The following BIRC6 variants were observed in gnomAD, a reference collection of about 807,000 sequenced individuals.
BIRC6 encodes dual E2 ubiquitin-conjugating enzyme/E3 ubiquitin-protein ligase BIRC6.
Under a neutral mutation model 503.3 loss-of-function variants are expected in BIRC6, and 98 were observed. The ratio of observed to expected loss-of-function variants is 0.19; its 90% CI spans 0.17 to 0.23. The LOEUF (loss-of-function observed/expected upper bound fraction) is 0.23. BIRC6 is among the 10% of genes least tolerant of loss of function. The pLI, the probability that BIRC6 is intolerant of heterozygous loss-of-function variation, is 1.00. For synonymous variants in BIRC6, 2,240 were observed against 2,078.7 expected, an observed-to-expected ratio of 1.08 and a Z score of -2.11; for missense variants, 5,360 against 5,806.0, an observed-to-expected ratio of 0.92 and a Z score of 2.50.
intron 41 of BIRC6, among the ~76,000 whole-genome samples, 169 bp from the exon 42 acceptor site, chr2:32,488,419 G>T (rs1029439928): frequency 6.6e-6 from 1 of 152,140 alleles, no homozygotes; most frequent in Admixed American, 6.5e-5. Context: ...AGATGTGTTT[G>T]CTGATCAACT....
At chr2:32,561,947 C>T (rs2059221590) in intron 65 of BIRC6, among the ~76,000 whole-genome samples, 1 of 151,712 alleles carries the variant, frequency 6.6e-6, no homozygotes, top group African/African-American at 2.4e-5. Context: ...GAGGCTGAGG[C>T]AGGAGAATTG....
At chr2:32,520,482 A>G (rs1447051153) in intron 57 of BIRC6, among the ~76,000 whole-genome samples, 3 of 152,210 alleles carry the variant, frequency 2.0e-5, no homozygotes, top group African/African-American at 7.2e-5. Context: ...CAGTTTCCTG[A>G]AATTGTCCAT....
At chr2:32,583,465 C>T (rs1203312288) in intron 66 of BIRC6, among the ~76,000 whole-genome samples, 1 of 152,016 alleles carries the variant, frequency 6.6e-6, no homozygotes, top group Non-Finnish European at 1.5e-5. Context: ...TTACTAATAA[C>T]CAGAATTTGA....
chr2:32,515,528 C>T lies in BIRC6; in HGVS notation c.11107C>T (p.Leu3703Phe), dbSNP rs1249995758. 6.2e-7 allele frequency: 1 copy of T among 1,613,944 alleles called. No individual in the cohort carries two copies. Among genetic ancestry groups the T allele is most frequent in the African/African-American group, 1.3e-5 (1 of 75,058 alleles). The change falls in exon 55 of 74, where the codon CTT becomes TTT. Residue 3703 changes from leucine to phenylalanine, a missense_variant. Leu to Phe is a conservative substitution (Grantham distance 22). Transcript: ENST00000421745. ...VGNSHIMKDW[L>F]GGSEVNPLWT... ...CAATAGCCATATTATGAAAGATTGGCTTGGTGGTTCTGAAGTCAATCCACT... is the reference window on the plus strand; with the variant it reads ...CAATAGCCATATTATGAAAGATTGGTTTGGTGGTTCTGAAGTCAATCCACT...
intron 65 of BIRC6, among the ~76,000 whole-genome samples, chr2:32,561,966 C>G (rs975519217): frequency 6.6e-6 from 1 of 151,658 alleles, no homozygotes; most frequent in East Asian, 1.9e-4. Flanking sequence ...TGGTTGAACC[C>G]GGGAGGTGAA....
At chr2:32,546,722 A>G (rs192391166) in intron 63 of BIRC6, among the ~76,000 whole-genome samples, 1 of 152,356 alleles carries the variant, frequency 6.6e-6, no homozygotes, top group African/African-American at 2.4e-5. Flanking sequence ...GATATATTTT[A>G]GAATAGTACC....
rs1050662070 is a variant in BIRC6 at position 32,357,597 on chromosome 2, G to A, written c.325+111G>A. 5.5e-6 allele frequency: 8 copies of A among 1,465,574 alleles called. No homozygotes were observed. Among genetic ancestry groups the A allele is most frequent in the African/African-American group, 4.5e-5 (3 of 67,320 alleles). The allele number at this position is 1,465,574 out of a possible 1,614,324, so 90.8% of individuals were successfully genotyped here. ...GAGATGGCGAGAGGGCAGGGCTGGG[G>A]GTTCGGGCCCAGCCGTGAAGGGAGG... On this transcript the variant is annotated intron_variant, in intron 1 of 73. Transcript: ENST00000421745. The surrounding 1 kb of genome is among the most constrained non-coding windows in gnomAD (Gnocchi z 4.9).
Position 32,502,313 on chromosome 2 carries a change from A to C in BIRC6, c.9207+425A>C, listed in dbSNP as rs182172940. The stretch of plus-strand genomic sequence containing the variant: ...TTAGGCTAATTAAAGAAAATAGGTT[A>C]CAAAATTTTTCCTTTTTGTATTTCA... On this transcript the variant is annotated intron_variant, in intron 47 of 73. Transcript: ENST00000421745. 8.8e-3 allele frequency among the ~76,000 whole-genome samples: 1,342 copies of C among 152,244 alleles called. 10 individuals carry two copies. Among genetic ancestry groups the C allele is most frequent in the Non-Finnish European group, 0.014 (980 of 67,994 alleles).
In BIRC6 at chr2:32,357,865, C is replaced by T. The variant is rs1413769760; in HGVS notation, c.325+379C>T. On this transcript the variant is annotated intron_variant, in intron 1 of 73. Transcript: ENST00000421745. This position sits in a 1 kb window ranked among gnomAD's most constrained non-coding sequence, Gnocchi z 4.9. ...CGTCCGGTTAGATGAGAGCGAAAGG[C>T]TGGAAGGGTTGACCCCGGGCGGAGA... Among the ~76,000 whole-genome samples the T allele has an allele frequency of 2.6e-5, 4 of 152,052 alleles. No homozygotes were observed. Among genetic ancestry groups the T allele is most frequent in the African/African-American group, 9.7e-5 (4 of 41,406 alleles).
At chr2:32,482,707 C>A (rs779709676) in intron 39 of BIRC6, 125 bp downstream of exon 39, 1 of 946,718 alleles carries the variant, frequency 1.1e-6, no homozygotes, top group Non-Finnish European at 1.6e-6. Context: ...CACAGCTGTG[C>A]CGTGAGTACC....
intron 15 of BIRC6, among the ~76,000 whole-genome samples, chr2:32,437,769 C>T (rs2044890479): frequency 6.6e-6 from 1 of 152,086 alleles, no homozygotes; most frequent in Non-Finnish European, 1.5e-5. Flanking sequence ...TAGGGATACT[C>T]AGCCTGTATA....
chr2:32,461,413 C>T (rs192409153), intron 23 of BIRC6, among the ~76,000 whole-genome samples: 4 of 147,348 alleles, frequency 2.7e-5, no homozygotes, highest in Admixed American at 2.0e-4. Flanking sequence ...ACCATGTTGA[C>T]CAAGCTGGTC....
At chr2:32,477,251 A>C in intron 34 of BIRC6, 117 bp from the exon 35 acceptor site, 2 of 909,032 alleles carry the variant, frequency 2.2e-6, no homozygotes, top group Non-Finnish European at 3.3e-6. Context: ...GTGTATCTAA[A>C]AATTTTGCTC....
chr2:32,416,342 G>A (rs2042371637), intron 10 of BIRC6, among the ~76,000 whole-genome samples, 179 bp downstream of exon 10: 1 of 151,966 alleles, frequency 6.6e-6, no homozygotes. Flanking sequence ...ACTGCCCTAG[G>A]TAAGGATTCT....
At position 32,575,624 on chromosome 2, in the gene BIRC6, G is replaced by C. The variant is rs962828453; in HGVS notation, c.13355+258G>C. ...CTAAAAATACCAAAAAATTAGCCAG[G>C]CATGGTGGCGGGCACCTGTAGTCCC... On this transcript the variant is annotated intron_variant, in intron 66 of 73. Transcript: ENST00000421745. Among the ~76,000 whole-genome samples the C allele has an allele frequency of 3.3e-5, 5 of 152,036 alleles. No individual in the cohort carries two copies. The East Asian group carries it at 9.7e-4, about 29-fold the overall frequency.
Position 32,481,385 on chromosome 2 carries a change from A to G in BIRC6, c.7474A>G (p.Met2492Val), listed in dbSNP as rs969821258. ...EIDLELLQDL[M>V]EVDIDPLDID... ...TGACCTTGAGTTACTTCAGGATCTA[A>G]TGGAAGTTGACATTGATCCTTTAGA... The change falls in exon 38 of 74, where the codon ATG (methionine) becomes GTG (valine). Residue 2492 changes from methionine to valine, a missense_variant. Physicochemically the swap from Met to Val is conservative, Grantham distance 21. Coordinates refer to ENST00000421745, the MANE Select transcript of BIRC6 (RefSeq NM_016252.4). The G allele has an allele frequency of 1.9e-6, 3 of 1,611,894 alleles. No homozygotes were observed. Among genetic ancestry groups the G allele is most frequent in the Non-Finnish European group, 1.7e-6 (2 of 1,178,630 alleles).
intron 45 of BIRC6, among the ~76,000 whole-genome samples, chr2:32,497,876 A>G (rs1389773187): frequency 6.6e-6 from 1 of 152,178 alleles, no homozygotes; most frequent in African/African-American, 2.4e-5. Flanking sequence ...GAATTGGTCT[A>G]TATAGACTAT....
rs773665748 is a variant in BIRC6 at position 32,515,462 on chromosome 2, G to T, written c.11041G>T (p.Asp3681Tyr). 3.1e-6 allele frequency: 5 copies of T among 1,613,362 alleles called. No homozygotes were observed. Among genetic ancestry groups the T allele is most frequent in the Non-Finnish European group, 4.2e-6 (5 of 1,179,860 alleles). Residue 3681 changes from aspartate to tyrosine, a missense_variant, in exon 55 of 74, where the codon GAC becomes TAC. Asp to Tyr is a radical substitution (Grantham distance 160). Transcript: ENST00000421745. ...QQCNKMPITA[D>Y]LVAPILRFLT... ...ATGTAATAAGATGCCTATCACAGCC[G>T]ACCTAGTTGCTCCTATTCTTAGGTT...
At chr2:32,514,909 T>C in intron 54 of BIRC6, 81 bp from the exon 55 acceptor site, 1 of 1,150,698 alleles carries the variant, frequency 8.7e-7, no homozygotes, top group South Asian at 1.6e-5. Context: ...AGAGTATACT[T>C]TGAACTATAA....
Sources: gnomAD v4.1 joint callset for allele counts (sites outside exome capture counted in the v4.1 genomes callset) on GRCh38, gnomAD v4.1.1 for gene constraint, Gnocchi (gnomAD v3.1) non-coding constraint, MANE v1.5 for transcripts, NCBI Gene and HGNC (gene_info 2026-07-23, HGNC 2026-07-21) for gene names.